CEACAM6: variants seen among roughly 807,000 people sequenced by gnomAD.
CEACAM6 encodes the protein CEA cell adhesion molecule 6.
In CEACAM6, 21 loss-of-function variants were observed where a neutral mutation model predicts 32.4. That is an observed-to-expected ratio of 0.65 (90% CI 0.46 to 0.93). The LOEUF (loss-of-function observed/expected upper bound fraction) is 0.93, where lower values mean the gene tolerates loss of function less well. Ranked by LOEUF, CEACAM6 falls within the 40% of genes least tolerant of loss-of-function variation. CEACAM6 has a pLI of 0.00. For synonymous variants in CEACAM6, 184 were observed against 174.4 expected (o/e 1.06, Z -0.43); for missense variants, 406 against 432.2 (o/e 0.94, Z 0.54).
intron 1 of CEACAM6, among the ~76,000 whole-genome samples, chr19:41,756,273 G>A (rs782532793): frequency 4.6e-5 from 7 of 152,164 alleles, no homozygotes; most frequent in Admixed American, 6.5e-5. Context: ...AAGACCCAGG[G>A]TCTGTAGAGG....
chr19:41,756,388 G>A (rs1234436253), intron 1 of CEACAM6, among the ~76,000 whole-genome samples: 1 of 150,044 alleles, frequency 6.7e-6, no homozygotes, highest in African/African-American at 2.5e-5. Flanking sequence ...TTCCACACAG[G>A]GAAATGCCAA....
chr19:41,767,785 C>CT (rs1555822516), intron 5 of CEACAM6, among the ~76,000 whole-genome samples: 1 of 152,080 alleles, frequency 6.6e-6, no homozygotes, highest in East Asian at 1.9e-4. Flanking sequence ...TGGGCCTATA[C>CT]TTTGTTGGCC....
chr19:41,766,537 A>G (rs1412408197), intron 5 of CEACAM6, among the ~76,000 whole-genome samples: 1 of 152,118 alleles, frequency 6.6e-6, no homozygotes, highest in East Asian at 1.9e-4. Context: ...GAGTCAATAC[A>G]TTGTCAAAGC....
At chr19:41,763,019 T>C (rs2072936111) in intron 4 of CEACAM6, among the ~76,000 whole-genome samples, 1 of 152,110 alleles carries the variant, frequency 6.6e-6, no homozygotes, top group African/African-American at 2.4e-5. Context: ...ATAGGGAGAT[T>C]CAGCCATGGG....
At chr19:41,757,062 T>C in intron 2 of CEACAM6, 103 bp downstream of exon 2, 1 of 1,519,256 alleles carries the variant, frequency 6.6e-7, no homozygotes, top group Non-Finnish European at 8.8e-7. Flanking sequence ...CTGCATTACA[T>C]CCTGTATCAG....
At position 41,762,096 on chromosome 19, in the gene CEACAM6, C is replaced by A. The variant is rs782571581; in HGVS notation, c.831C>A (p.Phe277Leu). 6.2e-7 allele frequency: 1 copy of A among 1,614,162 alleles called. No homozygotes were observed. The change falls in exon 4 of 6, where the codon TTC (phenylalanine) becomes TTA (leucine). Residue 277 changes from phenylalanine to leucine, a missense_variant. Phe to Leu is a conservative substitution (Grantham distance 22). Transcript: ENST00000199764. ...ACTCTTGGTTTATCAATGGGACGTT[C>A]CAGCAATCCACACAAGAGCTCTTTA... The part of the protein sequence containing the change: ...AQYSWFINGT[F>L]QQSTQELFIP...
chr19:41,762,843 C>T (rs1305670468), intron 4 of CEACAM6, among the ~76,000 whole-genome samples: 8 of 152,292 alleles, frequency 5.3e-5, no homozygotes, highest in Non-Finnish European at 2.9e-5. Flanking sequence ...TGCTAATCAA[C>T]ACCAAAGCCT....
At chr19:41,759,386 C>T (rs2072909188) in intron 2 of CEACAM6, among the ~76,000 whole-genome samples, 1 of 152,210 alleles carries the variant, frequency 6.6e-6, no homozygotes. Flanking sequence ...CTGTTTGGGG[C>T]TCCTTCCCTA....
At chr19:41,763,744 A>T (rs1555822163) in intron 4 of CEACAM6, among the ~76,000 whole-genome samples, 1 of 152,164 alleles carries the variant, frequency 6.6e-6, no homozygotes, top group Non-Finnish European at 1.5e-5. Flanking sequence ...CCTGCAGAGG[A>T]ATCAAAGGTG....
At chr19:41,762,450 T>C (rs1332504755) in intron 4 of CEACAM6, among the ~76,000 whole-genome samples, 2 of 152,110 alleles carry the variant, frequency 1.3e-5, no homozygotes, top group Non-Finnish European at 2.9e-5. Context: ...TTTGGGTCCA[T>C]CCTGGAATGA....
intron 1 of CEACAM6, among the ~76,000 whole-genome samples, chr19:41,756,247 G>A (rs2072884234): frequency 6.6e-6 from 1 of 152,156 alleles, no homozygotes; most frequent in Non-Finnish European, 1.5e-5. Context: ...ACAGAGCAGG[G>A]AAAGGTCAGA....
intron 5 of CEACAM6, among the ~76,000 whole-genome samples, chr19:41,769,547 T>G (rs1024748301): frequency 1.7e-4 from 26 of 152,020 alleles, no homozygotes; most frequent in African/African-American, 6.0e-4. Flanking sequence ...TTCTTTGTTT[T>G]GTTTCCCAGA....
intron 3 of CEACAM6, 64 bp from the exon 4 acceptor site, chr19:41,761,905 A>G: frequency 6.3e-7 from 1 of 1,588,336 alleles, no homozygotes; most frequent in South Asian, 1.1e-5. Flanking sequence ...TGGCCCTTCC[A>G]CAGACCAGGA....
At chr19:41,766,680 C>T (rs10408842) in intron 5 of CEACAM6, among the ~76,000 whole-genome samples, 69,415 of 151,800 alleles carry the variant, frequency 0.46, 18,101 homozygotes, top group Middle Eastern at 0.67. Context: ...TGCCTCATTA[C>T]CTTCCTAAAA....
At chr19:41,763,639 T>C (rs2122925181) in intron 4 of CEACAM6, among the ~76,000 whole-genome samples, 1 of 152,300 alleles carries the variant, frequency 6.6e-6, no homozygotes, top group East Asian at 1.9e-4. Flanking sequence ...CCTCAGATCG[T>C]TGTGCATCCG....
At position 41,761,420 on chromosome 19, in the gene CEACAM6, C is replaced by T. The variant is rs530670530; in HGVS notation, c.596C>T (p.Thr199Ile). The change falls in exon 3 of 6, where the codon ACC (threonine) becomes ATC (isoleucine). Residue 199 changes from threonine (T) to isoleucine (I), a missense_variant. Physicochemically the swap from Thr to Ile is moderately conservative, Grantham distance 89. Transcript: ENST00000199764. Reference protein sequence around the residue: ...PRLQLSNGNMTLTLLSVKRND... With the variant: ...PRLQLSNGNMILTLLSVKRND... ...CTGCAGCTGTCCAATGGCAACATGA[C>T]CCTCACTCTACTCAGCGTCAAAAGG... 6.2e-7 allele frequency: 1 copy of T among 1,614,158 alleles called. No homozygotes were observed. The highest frequency in any genetic ancestry group is 1.3e-5 in the African/African-American group (1 of 75,034).
chr19:41,760,960 G>A (rs1224658224), intron 2 of CEACAM6, among the ~76,000 whole-genome samples: 1 of 152,210 alleles, frequency 6.6e-6, no homozygotes, highest in African/African-American at 2.4e-5. Flanking sequence ...GGAGAAACCA[G>A]GAGAAGCACA....
chr19:41,756,540 T>C (rs2072886620), intron 1 of CEACAM6, 60 bp from the exon 2 acceptor site: 2 of 1,564,918 alleles, frequency 1.3e-6, no homozygotes, highest in Non-Finnish European at 1.7e-6. Context: ...CCCAGGGCCC[T>C]GTTTTTCCAC....
At chr19:41,765,774 G>A (rs1394889752) in intron 4 of CEACAM6, among the ~76,000 whole-genome samples, 1 of 152,194 alleles carries the variant, frequency 6.6e-6, no homozygotes, top group Non-Finnish European at 1.5e-5. Flanking sequence ...TCTGTGCAAA[G>A]AACATAGTAA....
Sources: gnomAD v4.1 joint callset for allele counts (sites outside exome capture counted in the v4.1 genomes callset) on GRCh38, gnomAD v4.1.1 for gene constraint, MANE v1.5 for transcripts, NCBI Gene and HGNC (gene_info 2026-07-23, HGNC 2026-07-21) for gene names.